PSD3: variants seen among roughly 807,000 people sequenced by gnomAD.
PSD3 encodes PH and SEC7 domain-containing protein 3.
Under a neutral mutation model 105.5 loss-of-function variants are expected in PSD3, and 49 were observed. The observed-to-expected ratio is 0.46, with a 90% CI of 0.37 to 0.59. PSD3 has a LOEUF of 0.59. Ranked by LOEUF, PSD3 falls within the 20% of genes least tolerant of loss-of-function variation. The pLI, the probability that PSD3 is intolerant of heterozygous loss-of-function variation, is 0.00. For synonymous variants in PSD3, 557 were observed against 457.8 expected (o/e 1.22, Z -2.77); for missense variants, 1,561 against 1,263.8 (o/e 1.24, Z -3.57).
chr8:18,985,136 G>A (rs1825438896), intron 1 of PSD3, among the ~76,000 whole-genome samples: 1 of 152,184 alleles, frequency 6.6e-6, no homozygotes, highest in South Asian at 2.1e-4. Context: ...GTTTCGCCAT[G>A]TTGGCCAGGT....
chr8:18,737,550 G>A (rs928052245), intron 9 of PSD3, among the ~76,000 whole-genome samples: 12 of 152,108 alleles, frequency 7.9e-5, no homozygotes, highest in Non-Finnish European at 2.9e-5. Context: ...CAATCTGCTC[G>A]CTTGGCCTCC....
intron 9 of PSD3, among the ~76,000 whole-genome samples, chr8:18,747,945 G>C (rs1222736583): frequency 2.0e-5 from 3 of 152,178 alleles, no homozygotes; most frequent in Admixed American, 6.5e-5. Flanking sequence ...TCTGGCAAGA[G>C]AGAGGGAGAA....
intron 4 of PSD3, among the ~76,000 whole-genome samples, chr8:18,850,220 C>A (rs1815451805): frequency 6.6e-6 from 1 of 152,196 alleles, no homozygotes; most frequent in Non-Finnish European, 1.5e-5. Flanking sequence ...GGCAAAGGCC[C>A]CTCCCCTGTC....
At chr8:19,072,040 C>A (rs1829282933) in intron 1 of PSD3, among the ~76,000 whole-genome samples, 1 of 151,334 alleles carries the variant, frequency 6.6e-6, no homozygotes, top group Admixed American at 6.6e-5. Context: ...TGTTAGAGGA[C>A]CCTGATGCAC....
At chr8:18,841,036 T>C (rs1227381333) in intron 4 of PSD3, among the ~76,000 whole-genome samples, 1 of 152,166 alleles carries the variant, frequency 6.6e-6, no homozygotes, top group Non-Finnish European at 1.5e-5. Context: ...ATTTTAAAAG[T>C]ACTAAAACAA....
At chr8:18,973,799 C>T (rs1193080264) in intron 1 of PSD3, among the ~76,000 whole-genome samples, 1 of 152,172 alleles carries the variant, frequency 6.6e-6, no homozygotes, top group Non-Finnish European at 1.5e-5. Context: ...TTCTTTCATT[C>T]TGCTGTTATT....
At position 18,548,544 on chromosome 8, in the gene PSD3, T is replaced by A. The variant is rs1585216160; in HGVS notation, c.2928+7665A>T. Among the ~76,000 whole-genome samples, 4 of 152,272 alleles carry A rather than the reference T, an allele frequency of 2.6e-5. No homozygotes were observed. In the Middle Eastern group the frequency reaches 0.014, roughly 518 times the overall value. ...GACATATCTACTCTATACTTCTCAT[T>A]TCAATTAGTGGGTAATTCTTACACT... is the stretch of plus-strand genomic sequence containing the variant. On this transcript the variant is annotated intron_variant, in intron 15 of 15. Coordinates refer to ENST00000327040, the MANE Select transcript of PSD3 (RefSeq NM_015310.4).
intron 2 of PSD3, among the ~76,000 whole-genome samples, chr8:18,883,038 G>A (rs1202619839): frequency 2.0e-5 from 3 of 152,038 alleles, no homozygotes; most frequent in Non-Finnish European, 4.4e-5. Context: ...TCTTGAGAAA[G>A]CAGCATAGAT....
intron 1 of PSD3, among the ~76,000 whole-genome samples, chr8:19,069,013 A>G (rs1360876758): frequency 1.3e-5 from 2 of 152,178 alleles, no homozygotes; most frequent in African/African-American, 4.8e-5. Context: ...CTCAGCTTCC[A>G]TCGCACCCAA....
In PSD3 at chr8:18,750,650, C is replaced by G. The variant is rs552240299; in HGVS notation, c.2172+14799G>C. On this transcript the variant is annotated intron_variant, in intron 9 of 15. Transcript: ENST00000327040. ...CTTATCTGGCCCCACCCACATCCTG[C>G]TGATTGGTAGAGCCGAGTGGCCTGT... Among the ~76,000 whole-genome samples the G allele has an allele frequency of 3.3e-5, 5 of 152,208 alleles. No homozygotes were observed. The South Asian group carries it at 1.0e-3, about 32-fold the overall frequency.
chr8:18,821,717 A>ACACACACACACACAC (rs1554513425), intron 4 of PSD3, among the ~76,000 whole-genome samples: 4 of 141,228 alleles, frequency 2.8e-5, no homozygotes, highest in Non-Finnish European at 4.6e-5. Flanking sequence ...ACACACACAC[A>ACACACACACACACAC]CCCCAATAAC....
At chr8:19,075,433 A>G (rs1364573715) in intron 1 of PSD3, among the ~76,000 whole-genome samples, 1 of 152,254 alleles carries the variant, frequency 6.6e-6, no homozygotes, top group African/African-American at 2.4e-5. Flanking sequence ...TTCAGGTTTC[A>G]GACCAATTCA....
At chr8:18,863,100 C>T (rs187715051) in intron 4 of PSD3, among the ~76,000 whole-genome samples, 1 of 152,250 alleles carries the variant, frequency 6.6e-6, no homozygotes, top group East Asian at 1.9e-4. Context: ...TTTCAAAAAG[C>T]AGCTTCATAT....
intron 11 of PSD3, among the ~76,000 whole-genome samples, chr8:18,617,583 A>C (rs1178280857): frequency 1.3e-5 from 2 of 152,208 alleles, no homozygotes; most frequent in Non-Finnish European, 2.9e-5. Context: ...TTGTAAGCCC[A>C]TAATAAAATT....
At chr8:18,745,352 C>A (rs974140798) in intron 9 of PSD3, among the ~76,000 whole-genome samples, 5 of 152,144 alleles carry the variant, frequency 3.3e-5, no homozygotes, top group Non-Finnish European at 7.3e-5. Flanking sequence ...AAAACCTGTC[C>A]CTTCTCCACA....
At chr8:18,964,222 T>A (rs939462670) in intron 1 of PSD3, among the ~76,000 whole-genome samples, 2 of 152,134 alleles carry the variant, frequency 1.3e-5, no homozygotes, top group South Asian at 2.1e-4. Flanking sequence ...GTTCCCAGAC[T>A]CATGTGACCT....
At chr8:18,721,359 C>T (rs1802961156) in intron 9 of PSD3, among the ~76,000 whole-genome samples, 1 of 152,006 alleles carries the variant, frequency 6.6e-6, no homozygotes, top group South Asian at 2.1e-4. Flanking sequence ...CTACAAATGT[C>T]TATCAGAATG....
At chr8:18,900,649 T>C (rs1394398474) in intron 2 of PSD3, among the ~76,000 whole-genome samples, 1 of 148,530 alleles carries the variant, frequency 6.7e-6, no homozygotes, top group Admixed American at 6.7e-5. Flanking sequence ...AACTCTTTTT[T>C]TTTTTTTTTT....
chr8:18,695,294 T>C (rs983776469), intron 9 of PSD3, among the ~76,000 whole-genome samples: 6 of 152,216 alleles, frequency 3.9e-5, no homozygotes, highest in Non-Finnish European at 7.3e-5. Flanking sequence ...ACAACAGTCA[T>C]TGATACCTGT....
Sources: gnomAD v4.1 joint callset for allele counts (sites outside exome capture counted in the v4.1 genomes callset) on GRCh38, gnomAD v4.1.1 for gene constraint, MANE v1.5 for transcripts, NCBI Gene and HGNC (gene_info 2026-07-23, HGNC 2026-07-21) for gene names.